The following SEMA3A variants were observed in gnomAD, a reference collection of about 807,000 sequenced individuals.
SEMA3A encodes the protein semaphorin 3A, also known as semaphorin-3A.
SEMA3A carries 29 observed loss-of-function variants against 97.9 expected under a neutral mutation model. The observed-to-expected ratio is 0.30, with a 90% CI of 0.22 to 0.40. SEMA3A has a LOEUF of 0.40. SEMA3A is among the 10% of genes least tolerant of loss of function. SEMA3A has a pLI of 1.00. For synonymous variants in SEMA3A, 321 were observed against 323.7 expected (o/e 0.99, Z 0.09); for missense variants, 763 against 951.3 (o/e 0.80, Z 2.60).
At chr7:84,302,564 G>A (rs756239137) in intron 3 of SEMA3A, among the ~76,000 whole-genome samples, 4 of 152,052 alleles carry the variant, frequency 2.6e-5, no homozygotes, top group Non-Finnish European at 5.9e-5. Context: ...TATTAGATGT[G>A]TATTTTAAAA....
chr7:84,125,163 TATA>T (rs1431607834), intron 3 of SEMA3A, among the ~76,000 whole-genome samples: 8 of 152,318 alleles, frequency 5.3e-5, no homozygotes, highest in African/African-American at 1.9e-4. Context: ...ACAAATATTT[TATA>T]ATGTTACAAT....
At chr7:84,385,857 G>T (rs1803382784) in intron 1 of SEMA3A, among the ~76,000 whole-genome samples, 1 of 152,114 alleles carries the variant, frequency 6.6e-6, no homozygotes, top group African/African-American at 2.4e-5. Context: ...GCTCTGCATT[G>T]GACTTTTCTC....
intron 1 of SEMA3A, among the ~76,000 whole-genome samples, chr7:84,150,787 G>A (rs1796629378): frequency 6.6e-6 from 1 of 152,092 alleles, no homozygotes; most frequent in Non-Finnish European, 1.5e-5. Context: ...TCTGGGGGCA[G>A]GGCACAGACA....
intron 3 of SEMA3A, among the ~76,000 whole-genome samples, chr7:84,202,622 A>G (rs28631483): frequency 0.055 from 8,374 of 152,222 alleles, 307 homozygotes; most frequent in Middle Eastern, 0.065. Context: ...AATAATTTCA[A>G]ATATACTCTT....
intron 3 of SEMA3A, among the ~76,000 whole-genome samples, chr7:84,266,953 TA>T (rs887083802): frequency 1.3e-5 from 2 of 152,192 alleles, no homozygotes; most frequent in African/African-American, 2.4e-5. Flanking sequence ...TCTCTAGCTT[TA>T]TTTTTTAATA....
intron 2 of SEMA3A, among the ~76,000 whole-genome samples, chr7:84,134,407 G>A (rs1796059951): frequency 6.6e-6 from 1 of 152,214 alleles, no homozygotes; most frequent in African/African-American, 2.4e-5. Flanking sequence ...TGTGGGTAAT[G>A]GATAGATGAA....
chr7:84,086,300 C>A (rs1332377386), intron 4 of SEMA3A, among the ~76,000 whole-genome samples: 1 of 151,628 alleles, frequency 6.6e-6, no homozygotes, highest in Non-Finnish European at 1.5e-5. Flanking sequence ...AATTAGCATA[C>A]CTGGCTTTGA....
At chr7:84,279,639 A>C (rs556120790) in intron 3 of SEMA3A, among the ~76,000 whole-genome samples, 2 of 152,294 alleles carry the variant, frequency 1.3e-5, no homozygotes, top group South Asian at 2.1e-4. Context: ...TCGTTTTACT[A>C]CTGCAATTTT....
At chr7:84,174,201 C>A (rs1479183508) in intron 1 of SEMA3A, among the ~76,000 whole-genome samples, 1 of 151,984 alleles carries the variant, frequency 6.6e-6, no homozygotes, top group East Asian at 1.9e-4. Context: ...ATCCCAAAAC[C>A]GTTCCCCTCC....
intron 3 of SEMA3A, among the ~76,000 whole-genome samples, chr7:84,259,259 C>T (rs1473349711): frequency 6.6e-6 from 1 of 152,162 alleles, no homozygotes; most frequent in African/African-American, 2.4e-5. Context: ...TTCTATGCAA[C>T]ACACAATTTA....
At chr7:84,266,616 A>T (rs1800010789) in intron 3 of SEMA3A, among the ~76,000 whole-genome samples, 1 of 152,184 alleles carries the variant, frequency 6.6e-6, no homozygotes, top group Admixed American at 6.5e-5. Flanking sequence ...ATAACTCAAA[A>T]AAATTAAAAA....
intron 2 of SEMA3A, among the ~76,000 whole-genome samples, chr7:84,308,055 A>C (rs917768976): frequency 3.9e-5 from 6 of 152,146 alleles, no homozygotes; most frequent in African/African-American, 1.4e-4. Flanking sequence ...TCATTAGCTA[A>C]GTTATTAACC....
chr7:84,386,110 T>C (rs1168247213), intron 1 of SEMA3A, among the ~76,000 whole-genome samples: 1 of 152,188 alleles, frequency 6.6e-6, no homozygotes, highest in African/African-American at 2.4e-5. Context: ...GTTTGCTCAC[T>C]GTGGGATCAC....
In SEMA3A at chr7:84,070,457, TA is replaced by T. The variant is rs146053058; in HGVS notation, c.454-9900del. ...CTCAATGTTGTCCAAGTCATAAATT[TA>T]GGTAACAAAGTTGTAATTTTAGTTG... is the stretch of plus-strand genomic sequence containing the variant. On this transcript the variant is annotated intron_variant, in intron 4 of 16. Transcript: ENST00000265362. Among the ~76,000 whole-genome samples, 829 of 152,272 alleles carry T rather than the reference TA, an allele frequency of 5.4e-3. 11 individuals carry two copies. Among genetic ancestry groups the T allele is most frequent in the African/African-American group, 0.019 (778 of 41,566 alleles).
intron 5 of SEMA3A, among the ~76,000 whole-genome samples, chr7:84,048,845 T>C (rs1792471306): frequency 6.6e-6 from 1 of 151,986 alleles, no homozygotes. Context: ...AATTATGATG[T>C]TTATTATATT....
intron 3 of SEMA3A, among the ~76,000 whole-genome samples, chr7:84,283,318 G>T (rs748987833): frequency 9.2e-5 from 14 of 151,920 alleles, no homozygotes; most frequent in Non-Finnish European, 1.9e-4. Flanking sequence ...TTAAACTATG[G>T]GTTGGAACTT....
chr7:84,240,959 T>C (rs942888022), intron 3 of SEMA3A, among the ~76,000 whole-genome samples: 1 of 152,224 alleles, frequency 6.6e-6, no homozygotes, highest in African/African-American at 2.4e-5. Context: ...GGCTGCATAA[T>C]ATTCCATGGT....
intron 4 of SEMA3A, among the ~76,000 whole-genome samples, chr7:84,079,408 A>G (rs547288682): frequency 2.5e-3 from 380 of 151,058 alleles, no homozygotes; most frequent in African/African-American, 8.8e-3. Context: ...CATCAGAGTG[A>G]ACAGGCAACC....
intron 15 of SEMA3A, among the ~76,000 whole-genome samples, chr7:83,965,761 A>G (rs2116266583): frequency 7.6e-6 from 1 of 131,862 alleles, no homozygotes; most frequent in South Asian, 2.6e-4. Context: ...GCTCACTGCA[A>G]GCTCCGCCTC....
Sources: gnomAD v4.1 joint callset for allele counts (sites outside exome capture counted in the v4.1 genomes callset) on GRCh38, gnomAD v4.1.1 for gene constraint, MANE v1.5 for transcripts, NCBI Gene and HGNC (gene_info 2026-07-23, HGNC 2026-07-21) for gene names.